The following NECAB1 variants were observed in gnomAD, a reference collection of about 807,000 sequenced individuals.
The protein encoded by NECAB1 is N-terminal EF-hand calcium binding protein 1.
In NECAB1, 29 loss-of-function variants were observed where a neutral mutation model predicts 57.5. That is an observed-to-expected ratio of 0.50 (90% CI 0.38 to 0.69). The LOEUF is 0.69. Among genes scored for constraint, NECAB1 ranks in the 30% least tolerant of loss-of-function variants. The pLI is 0.00. For synonymous variants in NECAB1, 142 were observed against 147.7 expected, an observed-to-expected ratio of 0.96 and a Z score of 0.28; for missense variants, 372 against 413.8, an observed-to-expected ratio of 0.90 and a Z score of 0.88.
At chr8:90,854,651 C>G (rs578218805) in intron 3 of NECAB1, among the ~76,000 whole-genome samples, 13 of 152,296 alleles carry the variant, frequency 8.5e-5, no homozygotes, top group African/African-American at 2.9e-4. Flanking sequence ...CTGCCTTGTT[C>G]AGTGAGCAAA....
intron 1 of NECAB1, among the ~76,000 whole-genome samples, chr8:90,799,807 T>C (rs950504515): frequency 2.0e-5 from 3 of 152,236 alleles, no homozygotes; most frequent in Admixed American, 1.3e-4. Context: ...TGGTTCCATA[T>C]GAATTTTAGA....
intron 3 of NECAB1, among the ~76,000 whole-genome samples, chr8:90,855,495 TG>T (rs1281299379): frequency 1.3e-5 from 2 of 152,204 alleles, no homozygotes; most frequent in Non-Finnish European, 2.9e-5. Flanking sequence ...ATTGGAACTT[TG>T]GGTCACATAT....
chr8:90,895,117 AG>A (rs1256110893), intron 5 of NECAB1, among the ~76,000 whole-genome samples: 15 of 152,260 alleles, frequency 9.9e-5, no homozygotes, highest in Non-Finnish European at 4.4e-5. Flanking sequence ...ATGTCTGTTA[AG>A]AAAATTATCA....
In NECAB1 at chr8:90,863,127, G is replaced by A. The variant is rs183694453; in HGVS notation, c.234-9001G>A. On this transcript the variant is annotated intron_variant, in intron 3 of 12. Transcript: ENST00000417640. ...GAAAGAAGAAGAATAATAAAAAAAA[G>A]AACGTACTTTTCACTCCCAATCTTT... Among the ~76,000 whole-genome samples, 302 of 152,070 alleles carry A rather than the reference G, an allele frequency of 2.0e-3. 5 individuals carry two copies. The East Asian group carries it at 0.043, about 22-fold the overall frequency.
intron 2 of NECAB1, among the ~76,000 whole-genome samples, chr8:90,817,640 C>T (rs1434417286): frequency 6.6e-6 from 1 of 151,610 alleles, no homozygotes; most frequent in Non-Finnish European, 1.5e-5. Flanking sequence ...ATCAATTCAG[C>T]CTTCCATACC....
chr8:90,872,276 A>G, intron 4 of NECAB1, 123 bp downstream of exon 4: 4 of 760,370 alleles, frequency 5.3e-6, no homozygotes, highest in Non-Finnish European at 6.1e-6. Flanking sequence ...GGAAAAATTA[A>G]TCGAGATCTC....
intron 2 of NECAB1, among the ~76,000 whole-genome samples, chr8:90,819,463 C>T (rs1812108873): frequency 6.6e-6 from 1 of 151,904 alleles, no homozygotes; most frequent in Non-Finnish European, 1.5e-5. Flanking sequence ...CTAGGATGGG[C>T]TGTGTTTAAT....
Position 90,823,684 on chromosome 8 carries a change from T to C in NECAB1, c.125-1033T>C, listed in dbSNP as rs1193873876. 2.0e-5 allele frequency among the ~76,000 whole-genome samples: 3 copies of C among 151,890 alleles called. No homozygotes were observed. The East Asian group carries it at 5.8e-4, about 29-fold the overall frequency. On this transcript the variant is annotated intron_variant, in intron 2 of 12. Coordinates refer to ENST00000417640, the MANE Select transcript of NECAB1 (RefSeq NM_022351.5). ...AAGACAAATTCCACTTTGTTCAGTA[T>C]AGAGTTGTTGGTAGAAGTACATTAT...
chr8:90,925,698 T>C (rs980684290), intron 7 of NECAB1, 42 bp downstream of exon 7: 1 of 1,607,420 alleles, frequency 6.2e-7, no homozygotes, highest in African/African-American at 1.3e-5. Context: ...AAAGTCTATT[T>C]ATCTTGCGTT....
chr8:90,832,849 C>T (rs1406510457), intron 3 of NECAB1, among the ~76,000 whole-genome samples: 4 of 152,100 alleles, frequency 2.6e-5, no homozygotes, highest in African/African-American at 7.2e-5. Flanking sequence ...TTTCCATTGC[C>T]ATATCATCTC....
At chr8:90,811,199 C>T (rs1238358312) in intron 2 of NECAB1, among the ~76,000 whole-genome samples, 1 of 152,146 alleles carries the variant, frequency 6.6e-6, no homozygotes, top group African/African-American at 2.4e-5. Flanking sequence ...GATCCACCTG[C>T]CTCGGCCTCC....
intron 5 of NECAB1, among the ~76,000 whole-genome samples, chr8:90,915,859 A>G (rs1306807835): frequency 1.3e-5 from 2 of 152,228 alleles, no homozygotes; most frequent in Non-Finnish European, 2.9e-5. Context: ...GGAGTCTGAT[A>G]TTTGAGGGCA....
chr8:90,815,362 T>C (rs1812041363), intron 2 of NECAB1, among the ~76,000 whole-genome samples: 2 of 152,110 alleles, frequency 1.3e-5, no homozygotes, highest in South Asian at 4.1e-4. Flanking sequence ...TGTCACATTC[T>C]GCATTCTATC....
At chr8:90,881,448 C>G (rs1003260439) in intron 5 of NECAB1, among the ~76,000 whole-genome samples, 8 of 152,114 alleles carry the variant, frequency 5.3e-5, no homozygotes, top group Non-Finnish European at 1.2e-4. Context: ...ATTGTAATCC[C>G]CAGTGCTGGA....
chr8:90,804,263 A>G (rs1442514506), intron 2 of NECAB1, among the ~76,000 whole-genome samples: 1 of 152,224 alleles, frequency 6.6e-6, no homozygotes, highest in Non-Finnish European at 1.5e-5. Context: ...AAGTGAAATT[A>G]GCCAAACACA....
chr8:90,938,772 T>C (rs535017929), intron 9 of NECAB1, among the ~76,000 whole-genome samples: 1 of 152,146 alleles, frequency 6.6e-6, no homozygotes, highest in Admixed American at 6.5e-5. Context: ...CATACATCAA[T>C]GTACATAAGT....
At chr8:90,955,112 T>TTAATTATATATATATATATATATATA (rs1234665098) in intron 12 of NECAB1, among the ~76,000 whole-genome samples, 2 of 70,808 alleles carry the variant, frequency 2.8e-5, no homozygotes, top group African/African-American at 9.4e-5. Context: ...GGTATATAAA[T>TTAATTATATATATATATATATATATA]TATATATATA....
At chr8:90,926,709 G>C (rs1436029095) in intron 7 of NECAB1, among the ~76,000 whole-genome samples, 3 of 152,098 alleles carry the variant, frequency 2.0e-5, no homozygotes, top group Non-Finnish European at 4.4e-5. Flanking sequence ...CTCCTAGTGG[G>C]TGTCAGAAGC....
intron 5 of NECAB1, among the ~76,000 whole-genome samples, chr8:90,909,131 G>A (rs1175369165): frequency 1.3e-5 from 2 of 152,106 alleles, no homozygotes; most frequent in African/African-American, 2.4e-5. Context: ...CAAAACTATA[G>A]TGGATAGTGT....
Sources: gnomAD v4.1 joint callset for allele counts (sites outside exome capture counted in the v4.1 genomes callset) on GRCh38, gnomAD v4.1.1 for gene constraint, MANE v1.5 for transcripts, NCBI Gene and HGNC (gene_info 2026-07-23, HGNC 2026-07-21) for gene names.